ARRDC2: variants seen among roughly 807,000 people sequenced by gnomAD.
ARRDC2 encodes arrestin domain-containing protein 2.
Under a neutral mutation model 38.9 loss-of-function variants are expected in ARRDC2, and 39 were observed. That is an observed-to-expected ratio of 1.00 (90% CI 0.78 to 1.31). ARRDC2 has a LOEUF of 1.31. Among genes scored for constraint, ARRDC2 ranks in the 50% most tolerant of loss-of-function variants. ARRDC2 has a pLI of 0.00. For synonymous variants in ARRDC2, 300 were observed against 261.9 expected, an observed-to-expected ratio of 1.15 and a Z score of -1.41; for missense variants, 553 against 588.4, an observed-to-expected ratio of 0.94 and a Z score of 0.62.
In ARRDC2 at chr19:18,010,615, A is replaced by G; in HGVS notation, c.1056A>G (p.Ala352=). The stretch of plus-strand genomic sequence containing the variant: ...AGGTGGTAGCCGACACTGAGGAGGC[A>G]GCCTTGGGGCAGAGCCCCTTCCCGC... The part of the protein sequence containing the change: ...YSEVVADTEE[A]ALGQSPFPLP... The change falls in exon 7 of 8, where the codon GCA becomes GCG. Residue 352 remains alanine (A), a synonymous_variant. Coordinates refer to ENST00000222250, the MANE Select transcript of ARRDC2 (RefSeq NM_015683.2). 1 of 1,613,894 alleles carries G rather than the reference A, an allele frequency of 6.2e-7. No homozygotes were observed. Among genetic ancestry groups the G allele is most frequent in the Non-Finnish European group, 8.5e-7 (1 of 1,179,994 alleles).
At chr19:18,006,600 G>A (rs958777379), upstream of ARRDC2, among the ~76,000 whole-genome samples, 1 of 151,634 alleles carries the variant, frequency 6.6e-6, no homozygotes, top group African/African-American at 2.4e-5. Context: ...GCATGAGAGG[G>A]AGACCGTGGA....
chr19:18,010,486 G>A, intron 6 of ARRDC2, 86 bp from the exon 7 acceptor site: 1 of 1,562,602 alleles, frequency 6.4e-7, no homozygotes, highest in Admixed American at 1.8e-5. Context: ...CAGCCCCAGA[G>A]CTGGCACAAG....
rs540013259 is a variant in ARRDC2 at position 18,008,777 on chromosome 19, C to T, written c.341C>T (p.Pro114Leu). The change falls in exon 2 of 8, where the codon CCG becomes CTG. Residue 114 changes from proline (P) to leucine (L), a missense_variant and splice_region_variant. Around this residue, in one of 3 missense-constraint regions of ARRDC2, gnomAD observed 447 missense variants for 456.6 expected, o/e 0.98. Coordinates refer to ENST00000222250, the MANE Select transcript of ARRDC2 (RefSeq NM_015683.2). ...HEFLFSFQLP[P>L]TLVTSFEGKH... ...TTCCTGTTCAGCTTCCAGCTGCCCCCGTAAGTCCTCTGGGGTGCAGGGTTG... is the reference window on the plus strand; with the variant it reads ...TTCCTGTTCAGCTTCCAGCTGCCCCTGTAAGTCCTCTGGGGTGCAGGGTTG... The T allele has an allele frequency of 1.1e-5, 18 of 1,613,364 alleles. No homozygotes were observed. The highest frequency in any genetic ancestry group is 5.0e-5 in the Admixed American group (3 of 60,014).
At chr19:18,003,663 G>A (rs547976761), upstream of ARRDC2, among the ~76,000 whole-genome samples, 7 of 99,538 alleles carry the variant, frequency 7.0e-5, no homozygotes, top group African/African-American at 1.3e-4. Context: ...TTTGGGGGAC[G>A]GAGTCTCCCT....
Position 18,009,948 on chromosome 19 carries a change from G to A in ARRDC2, c.758G>A (p.Arg253Gln), listed in dbSNP as rs577543997. 1.7e-5 allele frequency: 27 copies of A among 1,605,020 alleles called. No individual in the cohort carries two copies. Among genetic ancestry groups the A allele is most frequent in the South Asian group, 1.1e-4 (10 of 91,010 alleles). ...LAGEPVGPGQ[R>Q]ALWQGRALRI... ...GGCGAGCCGGTGGGCCCCGGGCAGC[G>A]GGCGCTGTGGCAGGGCCGGGCACTG... Residue 253 changes from arginine (R) to glutamine (Q), a missense_variant, in exon 5 of 8, where the codon CGG (arginine) becomes CAG (glutamine). Coordinates refer to ENST00000222250, the MANE Select transcript of ARRDC2 (RefSeq NM_015683.2).
chr19:18,010,859 G>A (rs2033397999), intron 7 of ARRDC2, 130 bp downstream of exon 7: 1 of 1,019,864 alleles, frequency 9.8e-7, no homozygotes, highest in African/African-American at 1.6e-5. Flanking sequence ...CTGTCACCCA[G>A]GCTGGAGTGC....
At chr19:18,008,045 C>A, upstream of ARRDC2, 1 of 1,010,502 alleles carries the variant, frequency 9.9e-7, no homozygotes, top group Non-Finnish European at 1.3e-6. Flanking sequence ...TTTTGCTCCA[C>A]GCCTGGGCAG....
chr19:18,011,276 C>G (rs548907270), intron 7 of ARRDC2, among the ~76,000 whole-genome samples: 1 of 152,156 alleles, frequency 6.6e-6, no homozygotes, highest in East Asian at 1.9e-4. Flanking sequence ...GGATTATATG[C>G]GTGAGCTACC....
upstream of ARRDC2, chr19:18,008,077 A>C: frequency 8.7e-6 from 10 of 1,155,572 alleles, no homozygotes; most frequent in African/African-American, 3.4e-5. Flanking sequence ...TTGTCGCGCT[A>C]TTGGTGGAGT....
intron 5 of ARRDC2, 58 bp downstream of exon 5, chr19:18,010,097 G>A: frequency 1.9e-6 from 3 of 1,604,984 alleles, no homozygotes; most frequent in Non-Finnish European, 2.5e-6. Flanking sequence ...TATTCCCTCA[G>A]ACTGGGGGAA....
At chr19:18,001,544 A>G in exon 1 of ARRDC2, 1 of 1,382,054 alleles carries the variant, frequency 7.2e-7, no homozygotes, top group African/African-American at 1.5e-5. Context: ...GCGGAGACCT[A>G]CCTGCGGCGT....
At chr19:18,008,938 CTTGT>C (rs1027158725) in intron 2 of ARRDC2, 29 bp from the exon 3 acceptor site, 1 of 1,611,426 alleles carries the variant, frequency 6.2e-7, no homozygotes, top group Non-Finnish European at 8.5e-7. Flanking sequence ...GTCTCTGTAT[CTTGT>C]CCCCTGAAGT....
chr19:18,012,546 C>CA (rs1456073140), intron 7 of ARRDC2, among the ~76,000 whole-genome samples: 1 of 152,140 alleles, frequency 6.6e-6, no homozygotes, highest in Non-Finnish European at 1.5e-5. Flanking sequence ...GAGATTGCGC[C>CA]ACTGCATTCC....
At chr19:18,006,115 C>T (rs1340503638), upstream of ARRDC2, among the ~76,000 whole-genome samples, 3 of 151,098 alleles carry the variant, frequency 2.0e-5, no homozygotes, top group Admixed American at 6.6e-5. Context: ...GGATGGCGGC[C>T]GGGCAGAGAC....
At chr19:18,005,764 G>A (rs1448700260), upstream of ARRDC2, among the ~76,000 whole-genome samples, 3 of 151,690 alleles carry the variant, frequency 2.0e-5, no homozygotes, top group African/African-American at 4.8e-5. Context: ...GCTTGGCGGG[G>A]GCTGACCCCC....
chr19:18,009,635 A>T lies in ARRDC2; in HGVS notation c.533A>T (p.Tyr178Phe). 6.2e-7 allele frequency: 1 copy of T among 1,610,912 alleles called. No homozygotes were observed. The highest frequency in any genetic ancestry group is 2.2e-5 in the East Asian group (1 of 44,730). ...GAREKVARSW[Y>F]CNRGLVSLSA... ...CGGGAAAAGGTTGCCCGATCCTGGT[A>T]CTGTAACCGTGGCCTAGTCTCCCTT... is the stretch of plus-strand genomic sequence containing the variant. The change falls in exon 4 of 8, where the codon TAC becomes TTC. Residue 178 changes from tyrosine (Y) to phenylalanine (F), a missense_variant. Physicochemically the swap from Tyr to Phe is conservative, Grantham distance 22. Around this residue, in one of 3 missense-constraint regions of ARRDC2, gnomAD observed 447 missense variants for 456.6 expected, o/e 0.98. Transcript: ENST00000222250.
At chr19:18,011,946 A>AT in intron 7 of ARRDC2, among the ~76,000 whole-genome samples, 1 of 52,900 alleles carries the variant, frequency 1.9e-5, no homozygotes, top group African/African-American at 7.5e-5. Context: ...ATATATATAT[A>AT]TATATATTTT....
intron 3 of ARRDC2, 113 bp from the exon 4 acceptor site, chr19:18,009,473 TAAAAAG>T (rs938024411): frequency 2.2e-6 from 2 of 918,686 alleles, no homozygotes; most frequent in Non-Finnish European, 3.4e-6. Context: ...CCTGGATTGT[TAAAAAG>T]AAACCAAGCC....
At chr19:18,012,187 G>A (rs1219740154) in intron 7 of ARRDC2, among the ~76,000 whole-genome samples, 1 of 151,052 alleles carries the variant, frequency 6.6e-6, no homozygotes, top group East Asian at 2.0e-4. Flanking sequence ...TAGAATTCCT[G>A]ACCTCAGGTG....
Sources: gnomAD v4.1 joint callset for allele counts (sites outside exome capture counted in the v4.1 genomes callset) on GRCh38, gnomAD v4.1.1 for gene constraint, gnomAD v4.1.1 regional missense constraint, MANE v1.5 for transcripts, NCBI Gene and HGNC (gene_info 2026-07-23, HGNC 2026-07-21) for gene names.